The following NRSN1 variants were observed in gnomAD, a reference collection of about 807,000 sequenced individuals.
The protein encoded by NRSN1 is neurensin-1.
NRSN1 carries 14 observed loss-of-function variants against 17.3 expected under a neutral mutation model. The observed-to-expected ratio is 0.81, with a 90% CI of 0.54 to 1.27. The LOEUF is 1.27. Ranked by LOEUF, NRSN1 falls within the 50% of genes most tolerant of loss-of-function variation. The pLI is 0.00. For missense variants in NRSN1, 209 were observed against 235.9 expected (o/e 0.89, Z 0.75); for synonymous variants, 79 against 94.2 (o/e 0.84, Z 0.93).
rs1182056146 is a variant in NRSN1 at position 24,128,768 on chromosome 6, CA to C, written c.-10+569del. 4.6e-5 allele frequency: 7 copies of C among 152,244 alleles called. No homozygotes were observed. The South Asian group carries it at 1.2e-3, about 27-fold the overall frequency. The allele number at this position is 152,244 out of a possible 1,614,324, so 9.4% of individuals were successfully genotyped here. Reference sequence around the variant, plus strand: ...AATGGGAACCTCAGTCTCATTATCTCAGAATCATTTTATGGGAGAGAAAAGC... The same window carrying C: ...AATGGGAACCTCAGTCTCATTATCTCGAATCATTTTATGGGAGAGAAAAGC... On this transcript the variant is annotated intron_variant, in intron 2 of 3. Coordinates refer to ENST00000378491, the MANE Select transcript of NRSN1 (RefSeq NM_080723.5).
At chr6:24,140,962 G>T (rs944352041) in intron 3 of NRSN1, 1 of 1,379,144 alleles carries the variant, frequency 7.3e-7, no homozygotes, top group Non-Finnish European at 9.4e-7. Context: ...ACAGCCAAGA[G>T]TGGAATCGGA....
intron 2 of NRSN1, among the ~76,000 whole-genome samples, chr6:24,132,401 T>C (rs570021861): frequency 1.2e-4 from 19 of 152,338 alleles, no homozygotes; most frequent in Admixed American, 2.0e-4. Flanking sequence ...TGATAAGTAA[T>C]TGGAAACATT....
At chr6:24,130,924 C>A (rs1212799983) in intron 2 of NRSN1, among the ~76,000 whole-genome samples, 1 of 152,124 alleles carries the variant, frequency 6.6e-6, no homozygotes, top group South Asian at 2.1e-4. Context: ...GAAACCATAG[C>A]CCAGAGAGAC....
chr6:24,136,002 G>A (rs371321630), intron 3 of NRSN1, among the ~76,000 whole-genome samples: 2 of 152,178 alleles, frequency 1.3e-5, no homozygotes, highest in Non-Finnish European at 2.9e-5. Context: ...AGTGTAACAA[G>A]AGGCTGTATA....
rs374814429 is a variant in NRSN1, at chr6:24,145,960, C to T, written c.*14C>T. 1.6e-5 allele frequency: 25 copies of T among 1,588,414 alleles called. No individual in the cohort carries two copies. The African/African-American group carries it at 3.4e-4, about 22-fold the overall frequency. ...CTGGCAACCTGAAACCTTTCCCACCCCAGTTCTTCTTGTCTGATTTATGCC... is the reference window on the plus strand; with the variant it reads ...CTGGCAACCTGAAACCTTTCCCACCTCAGTTCTTCTTGTCTGATTTATGCC... On this transcript the variant is annotated 3_prime_UTR_variant, in exon 4 of 4. Transcript: ENST00000378491. This position sits in a 1 kb window ranked among gnomAD's most constrained non-coding sequence, Gnocchi z 4.4.
rs1333812800 is a variant in NRSN1, at chr6:24,146,603, T to G, written c.*657T>G. Reference sequence around the variant, plus strand: ...ATAGCGCACTGCAGCCTTGAACTCCTGGGCTCAAGCGATCCTCCCACCTCA... The same window carrying G: ...ATAGCGCACTGCAGCCTTGAACTCCGGGGCTCAAGCGATCCTCCCACCTCA... On this transcript the variant is annotated 3_prime_UTR_variant, in exon 4 of 4. Transcript: ENST00000378491. 5.4e-6 allele frequency: 1 copy of G among 184,890 alleles called. No individual in the cohort carries two copies. Among genetic ancestry groups the G allele is most frequent in the East Asian group, 1.7e-4 (1 of 6,052 alleles). 11.5% of individuals were successfully genotyped at this position (184,890 alleles called of 1,614,324 possible). A position where few individuals can be genotyped will look rare whatever the true frequency, so the allele number is the denominator to read the frequency against.
chr6:24,146,245 T>C lies in NRSN1; in HGVS notation c.*299T>C, dbSNP rs1193503665. 2 of 616,806 alleles carry C rather than the reference T, an allele frequency of 3.2e-6. No homozygotes were observed. Among genetic ancestry groups the C allele is most frequent in the African/African-American group, 1.8e-5 (1 of 55,198 alleles). The allele number at this position is 616,806 out of a possible 1,614,324, so 38.2% of individuals were successfully genotyped here. On this transcript the variant is annotated 3_prime_UTR_variant, in exon 4 of 4. Transcript: ENST00000378491. ...TCGTGACTTTGTGTTATTTTCCGTG[T>C]TGTTTGAAAGTGCCGAACAGTTTAG...
intron 3 of NRSN1, among the ~76,000 whole-genome samples, chr6:24,136,576 T>C (rs1188541732): frequency 6.6e-6 from 1 of 151,916 alleles, no homozygotes; most frequent in African/African-American, 2.4e-5. Flanking sequence ...GACAGATCTG[T>C]TGTGCCAAGA....
chr6:24,141,042 G>A (rs1483276291), intron 3 of NRSN1: 3 of 1,472,722 alleles, frequency 2.0e-6, no homozygotes, highest in Non-Finnish European at 9.0e-7. Context: ...GCCCTTCTCT[G>A]TCGCCATTGG....
chr6:24,134,109 C>T (rs1404283585), intron 2 of NRSN1, among the ~76,000 whole-genome samples: 1 of 151,878 alleles, frequency 6.6e-6, no homozygotes, highest in East Asian at 1.9e-4. Context: ...CGTGATCCTC[C>T]CTCCTCAGCC....
chr6:24,134,396 C>T lies in NRSN1; in HGVS notation c.69C>T (p.Arg23=). 6.2e-7 allele frequency: 1 copy of T among 1,614,096 alleles called. No individual in the cohort carries two copies. The highest frequency in any genetic ancestry group is 8.5e-7 in the Non-Finnish European group (1 of 1,180,010). ...CTGCAGCTGAGGGTGGTTACCAGCG[C>T]TATGGAGTCCGGTCCTACCTGCACC... ...AQAAAEGGYQ[R]YGVRSYLHQF... Residue 23 remains arginine (R), a synonymous_variant, in exon 3 of 4, where the codon CGC becomes CGT. Transcript: ENST00000378491.
At chr6:24,139,555 T>A (rs947541584) in intron 3 of NRSN1, among the ~76,000 whole-genome samples, 2 of 152,142 alleles carry the variant, frequency 1.3e-5, no homozygotes, top group Non-Finnish European at 1.5e-5. Flanking sequence ...CAGAGCACCA[T>A]TTTTACTCTT....
chr6:24,134,370 G>C lies in NRSN1; in HGVS notation c.43G>C (p.Ala15Pro). ...SNVCGSRQAQ[A>P]AAEGGYQRYG... Reference sequence around the variant, plus strand: ...CGTCTGTGGGTCCAGGCAGGCACAGGCTGCAGCTGAGGGTGGTTACCAGCG... The same window carrying C: ...CGTCTGTGGGTCCAGGCAGGCACAGCCTGCAGCTGAGGGTGGTTACCAGCG... Residue 15 changes from alanine to proline, a missense_variant, in exon 3 of 4, where the codon GCT becomes CCT. Transcript: ENST00000378491. The C allele has an allele frequency of 6.2e-7, 1 of 1,614,108 alleles. No individual in the cohort carries two copies. Among genetic ancestry groups the C allele is most frequent in the Non-Finnish European group, 8.5e-7 (1 of 1,180,032 alleles).
At chr6:24,143,360 C>A (rs1305246188) in intron 3 of NRSN1, among the ~76,000 whole-genome samples, 1 of 152,122 alleles carries the variant, frequency 6.6e-6, no homozygotes, top group Non-Finnish European at 1.5e-5. Context: ...ATAAAAATAC[C>A]TACTTCTCAT....
intron 3 of NRSN1, among the ~76,000 whole-genome samples, chr6:24,137,819 G>A (rs556529433): frequency 1.3e-5 from 2 of 152,180 alleles, no homozygotes; most frequent in East Asian, 1.9e-4. Flanking sequence ...AGGGTGGAGT[G>A]GGTATCTGAT....
At chr6:24,143,511 C>T (rs1384669767) in intron 3 of NRSN1, among the ~76,000 whole-genome samples, 1 of 152,084 alleles carries the variant, frequency 6.6e-6, no homozygotes, top group Admixed American at 6.6e-5. Flanking sequence ...ATTAGCCAAG[C>T]CTCCTTTATT....
Position 24,147,358 on chromosome 6 carries a change from T to A in NRSN1, c.*1412T>A, listed in dbSNP as rs1760325096. ...GTGCCACCTTAGAGCCCCCCCCCTT[T>A]TTTTTTTCTTCCTTCACTGGATAAA... On this transcript the variant is annotated 3_prime_UTR_variant, in exon 4 of 4. Coordinates refer to ENST00000378491, the MANE Select transcript of NRSN1 (RefSeq NM_080723.5). 1.3e-5 allele frequency: 2 copies of A among 149,174 alleles called. No individual in the cohort carries two copies. Among genetic ancestry groups the A allele is most frequent in the Non-Finnish European group, 3.0e-5 (2 of 67,258 alleles). 9.2% of individuals were successfully genotyped at this position (149,174 alleles called of 1,614,324 possible). A position where few individuals can be genotyped will look rare whatever the true frequency, so the allele number is the denominator to read the frequency against.
chr6:24,131,636 T>A (rs556168056), intron 2 of NRSN1, among the ~76,000 whole-genome samples: 27 of 152,254 alleles, frequency 1.8e-4, no homozygotes, highest in Admixed American at 1.1e-3. Flanking sequence ...GACAAAGCAG[T>A]TAGTAATACC....
At chr6:24,140,579 T>C (rs994172062) in intron 3 of NRSN1, among the ~76,000 whole-genome samples, 4 of 152,140 alleles carry the variant, frequency 2.6e-5, no homozygotes, top group African/African-American at 9.7e-5. Context: ...AAAAAGCCCA[T>C]CTTCGCTCTT....
Sources: allele counts gnomAD v4.1 joint callset (sites outside exome capture counted in the v4.1 genomes callset), GRCh38; gene constraint gnomAD v4.1.1; non-coding constraint Gnocchi (gnomAD v3.1); transcripts MANE v1.5; gene names NCBI Gene and HGNC (gene_info 2026-07-23, HGNC 2026-07-21).